BACH2: variants seen among roughly 807,000 people sequenced by gnomAD.
BACH2 encodes the protein BACH transcriptional regulator 2.
A neutral mutation model predicts 61.8 loss-of-function variants in BACH2; 5 were observed. The observed-to-expected ratio is 0.08, with a 90% CI of 0.04 to 0.17. The LOEUF (loss-of-function observed/expected upper bound fraction) is 0.17, where lower values mean the gene tolerates loss of function less well. Among genes scored for constraint, BACH2 ranks in the 10% least tolerant of loss-of-function variants. The probability of loss-of-function intolerance (pLI) is 1.00; values close to 1 mark genes in which losing one functional copy is unlikely to be tolerated. For synonymous variants in BACH2, 446 were observed against 440.1 expected (o/e 1.01, Z -0.17); for missense variants, 824 against 1,091.1 (o/e 0.76, Z 3.45).
At chr6:90,227,558 G>A (rs1769957475) in intron 3 of BACH2, among the ~76,000 whole-genome samples, 1 of 152,186 alleles carries the variant, frequency 6.6e-6, no homozygotes, top group African/African-American at 2.4e-5. Context: ...TTTCAAAAGA[G>A]AGGCATCCTA....
At chr6:90,009,217 AC>A (rs1323084371) in intron 5 of BACH2, among the ~76,000 whole-genome samples, 1 of 152,246 alleles carries the variant, frequency 6.6e-6, no homozygotes, top group Non-Finnish European at 1.5e-5. Flanking sequence ...AAGAAATTTC[AC>A]ATGTAAATAG....
chr6:90,254,453 G>C (rs953020853), intron 2 of BACH2, among the ~76,000 whole-genome samples: 1 of 151,926 alleles, frequency 6.6e-6, no homozygotes, highest in Admixed American at 6.6e-5. Flanking sequence ...ATAAATCCTG[G>C]ATCATATAAT....
chr6:89,992,412 G>C (rs139136287), intron 6 of BACH2, among the ~76,000 whole-genome samples: 3 of 152,146 alleles, frequency 2.0e-5, no homozygotes, highest in Admixed American at 2.0e-4. Flanking sequence ...AGGCCAAGGC[G>C]GGTGGATCCC....
rs894598401 is a variant in BACH2 at position 90,120,907 on chromosome 6, TGA to T, written c.-161-31800_-161-31799del. On this transcript the variant is annotated intron_variant, in intron 4 of 8. Transcript: ENST00000257749. ...AAATATTATGTTGGCCCATAAAATA[TGA>T]GTGTGAAAATAGTTATTTGTATGAA... 3.3e-4 allele frequency among the ~76,000 whole-genome samples: 36 copies of T among 109,034 alleles called. 2 individuals carry two copies. Among genetic ancestry groups the T allele is most frequent in the Admixed American group, 1.0e-4 (1 of 9,800 alleles). The allele number at this position is 109,034 out of a possible 152,430, so 71.5% of individuals were successfully genotyped here.
At chr6:90,036,033 T>C (rs568475144) in intron 5 of BACH2, among the ~76,000 whole-genome samples, 102 of 151,976 alleles carry the variant, frequency 6.7e-4, no homozygotes, top group African/African-American at 2.3e-3. Context: ...TGGGGGTGGG[T>C]AGAGGAAGAA....
intron 5 of BACH2, among the ~76,000 whole-genome samples, chr6:90,063,836 A>C (rs533318343): frequency 6.6e-6 from 1 of 152,158 alleles, no homozygotes; most frequent in Non-Finnish European, 1.5e-5. Context: ...TCTGTATGTC[A>C]CAGATTCCAG....
intron 4 of BACH2, among the ~76,000 whole-genome samples, chr6:90,130,181 A>T (rs1231788888): frequency 3.3e-5 from 5 of 151,736 alleles, no homozygotes; most frequent in African/African-American, 9.7e-5. Flanking sequence ...AGCTTTTGGG[A>T]TTTGTTAGAG....
chr6:90,212,743 TAAAG>T (rs750482689), intron 3 of BACH2, among the ~76,000 whole-genome samples: 94 of 152,152 alleles, frequency 6.2e-4, no homozygotes, highest in Admixed American at 1.4e-3. Context: ...GAAATGGTAA[TAAAG>T]AGGAGGAAAC....
intron 5 of BACH2, among the ~76,000 whole-genome samples, chr6:90,034,398 G>T (rs1030072988): frequency 6.6e-6 from 1 of 152,090 alleles, no homozygotes; most frequent in East Asian, 1.9e-4. Context: ...TTCACAGAGT[G>T]ATCATTACTT....
intron 1 of BACH2, among the ~76,000 whole-genome samples, chr6:90,277,809 T>C (rs1209973567): frequency 1.3e-5 from 2 of 152,216 alleles, no homozygotes; most frequent in African/African-American, 2.4e-5. Context: ...TCCAGTTCTA[T>C]AAAATGGAGC....
At chr6:90,233,106 A>G (rs1178747136) in intron 3 of BACH2, among the ~76,000 whole-genome samples, 1 of 152,238 alleles carries the variant, frequency 6.6e-6, no homozygotes, top group South Asian at 2.1e-4. Flanking sequence ...TCAATTTCTC[A>G]TACTTGTTTC....
intron 7 of BACH2, among the ~76,000 whole-genome samples, chr6:89,943,946 A>G (rs1773585973): frequency 6.6e-6 from 1 of 152,224 alleles, no homozygotes; most frequent in Non-Finnish European, 1.5e-5. Flanking sequence ...GGGAGGAAGC[A>G]ATATGCCCAT....
intron 6 of BACH2, among the ~76,000 whole-genome samples, chr6:89,980,155 G>T (rs945867138): frequency 6.6e-6 from 1 of 152,064 alleles, no homozygotes; most frequent in Non-Finnish European, 1.5e-5. Context: ...TTAGCTGGGC[G>T]TGGTGGTGTG....
intron 3 of BACH2, among the ~76,000 whole-genome samples, chr6:90,222,014 AAGAG>A (rs1769750777): frequency 6.6e-6 from 1 of 152,216 alleles, no homozygotes; most frequent in Admixed American, 6.5e-5. Context: ...AACAAATAAA[AAGAG>A]AGAAATTTAC....
chr6:89,986,008 T>C (rs1333107258), intron 6 of BACH2, among the ~76,000 whole-genome samples: 1 of 152,174 alleles, frequency 6.6e-6, no homozygotes, highest in African/African-American at 2.4e-5. Flanking sequence ...CCTGGCCCTG[T>C]TATAGCCGGA....
chr6:89,949,089 C>T (rs531666897), intron 7 of BACH2, among the ~76,000 whole-genome samples: 25 of 152,276 alleles, frequency 1.6e-4, no homozygotes, highest in African/African-American at 4.8e-4. Flanking sequence ...ATAAACTGCA[C>T]GTGGCTCTGT....
chr6:90,217,356 T>C (rs1179395631), intron 3 of BACH2, among the ~76,000 whole-genome samples: 1 of 152,170 alleles, frequency 6.6e-6, no homozygotes, highest in East Asian at 1.9e-4. Flanking sequence ...TGCAAAATGT[T>C]TCAACTTTTA....
chr6:90,281,012 C>A (rs919412848), intron 1 of BACH2, among the ~76,000 whole-genome samples: 6 of 152,224 alleles, frequency 3.9e-5, no homozygotes, highest in Admixed American at 6.5e-5. Flanking sequence ...ATCTTTATCA[C>A]AGAAAATGCT....
At position 90,128,439 on chromosome 6, in the gene BACH2, G is replaced by A. The variant is rs568236406; in HGVS notation, c.-161-39330C>T. 3.3e-4 allele frequency among the ~76,000 whole-genome samples: 51 copies of A among 152,264 alleles called. No individual in the cohort carries two copies. The South Asian group carries it at 0.01, about 31-fold the overall frequency. On this transcript the variant is annotated intron_variant, in intron 4 of 8. Coordinates refer to ENST00000257749, the MANE Select transcript of BACH2 (RefSeq NM_021813.4). Reference sequence around the variant, plus strand: ...CTACTAAAAATATAAAAATTAGCTGGGTGTGATGGCGGGCGCCTGTAGTCC... The same window carrying A: ...CTACTAAAAATATAAAAATTAGCTGAGTGTGATGGCGGGCGCCTGTAGTCC...
Sources: gnomAD v4.1 joint callset for allele counts (sites outside exome capture counted in the v4.1 genomes callset) on GRCh38, gnomAD v4.1.1 for gene constraint, MANE v1.5 for transcripts, NCBI Gene and HGNC (gene_info 2026-07-23, HGNC 2026-07-21) for gene names.